The following DCUN1D4 variants were observed in gnomAD, a reference collection of about 807,000 sequenced individuals.
DCUN1D4 encodes defective in cullin neddylation 1 domain containing 4.
In DCUN1D4, 22 loss-of-function variants were observed where a neutral mutation model predicts 47.9. That is an observed-to-expected ratio of 0.46 (90% CI 0.33 to 0.66). DCUN1D4 has a LOEUF of 0.66. DCUN1D4 is among the 30% of genes least tolerant of loss of function. DCUN1D4 has a pLI of 0.02. For missense variants in DCUN1D4, 301 were observed against 340.8 expected, an observed-to-expected ratio of 0.88 and a Z score of 0.92; for synonymous variants, 121 against 112.2, an observed-to-expected ratio of 1.08 and a Z score of -0.50.
At chr4:51,850,063 C>T (rs1723146387) in intron 1 of DCUN1D4, among the ~76,000 whole-genome samples, 1 of 152,122 alleles carries the variant, frequency 6.6e-6, no homozygotes, top group Admixed American at 6.5e-5. Context: ...GTAGTCAGTG[C>T]TTCTCCTCCT....
chr4:51,899,450 GT>G, intron 8 of DCUN1D4, 72 bp downstream of exon 8: 7 of 1,502,888 alleles, frequency 4.7e-6, no homozygotes, highest in Non-Finnish European at 6.2e-6. Flanking sequence ...TTTGAGGTTA[GT>G]TTTTACATGC....
chr4:51,861,305 G>A (rs1577882743), intron 1 of DCUN1D4, among the ~76,000 whole-genome samples: 1 of 152,088 alleles, frequency 6.6e-6, no homozygotes, highest in Non-Finnish European at 1.5e-5. Flanking sequence ...TTGGGTGTAG[G>A]AAGGGCAGTG....
intron 3 of DCUN1D4, among the ~76,000 whole-genome samples, chr4:51,871,397 T>C (rs1285682718): frequency 6.6e-6 from 1 of 152,224 alleles, no homozygotes. Flanking sequence ...AAACCAAACG[T>C]TGTACAGTGT....
At chr4:51,834,872 C>T in the DCUN1D4 span, among the ~76,000 whole-genome samples, 1 of 152,196 alleles carries the variant, frequency 6.6e-6, no homozygotes, top group African/African-American at 2.4e-5. Flanking sequence ...CTACACTCTG[C>T]TACTTAGGGA....
chr4:51,854,685 T>C (rs1398853517), intron 1 of DCUN1D4, among the ~76,000 whole-genome samples: 2 of 152,244 alleles, frequency 1.3e-5, no homozygotes, highest in East Asian at 3.8e-4. Context: ...AGTTCTGTCA[T>C]TGCAGTCTTT....
chr4:51,909,249 T>C (rs1733349435), intron 8 of DCUN1D4, among the ~76,000 whole-genome samples: 1 of 147,018 alleles, frequency 6.8e-6, no homozygotes, highest in Admixed American at 6.7e-5. Flanking sequence ...TGGGGTTTAG[T>C]GAATGATTAC....
At chr4:51,877,525 A>AT (rs1052642659) in intron 4 of DCUN1D4, 1 of 311,614 alleles carries the variant, frequency 3.2e-6, no homozygotes, top group African/African-American at 2.2e-5. Flanking sequence ...CTTACTGATT[A>AT]TTTGTTAATC....
intron 1 of DCUN1D4, among the ~76,000 whole-genome samples, chr4:51,861,137 A>G (rs1350143230): frequency 6.6e-6 from 1 of 152,136 alleles, no homozygotes; most frequent in Non-Finnish European, 1.5e-5. Context: ...TATGAAGGAG[A>G]ATTTTTTATC....
At chr4:51,895,744 G>T (rs527415928) in intron 7 of DCUN1D4, among the ~76,000 whole-genome samples, 1 of 152,216 alleles carries the variant, frequency 6.6e-6, no homozygotes, top group East Asian at 1.9e-4. Flanking sequence ...TTACAAATCT[G>T]TTAGAGCAGC....
chr4:51,895,509 A>C (rs1439436010), intron 7 of DCUN1D4, among the ~76,000 whole-genome samples: 1 of 149,720 alleles, frequency 6.7e-6, no homozygotes, highest in African/African-American at 2.5e-5. Flanking sequence ...CAGAGAAGAC[A>C]CAGCTCCTGT....
intron 8 of DCUN1D4, chr4:51,905,380 G>A (rs1208879809): frequency 3.8e-6 from 1 of 262,162 alleles, no homozygotes; most frequent in Non-Finnish European, 8.2e-6. Flanking sequence ...TCCCGCTGTG[G>A]AATCTTGCTA....
chr4:51,882,726 C>T (rs762879244), intron 5 of DCUN1D4, among the ~76,000 whole-genome samples: 3 of 152,096 alleles, frequency 2.0e-5, no homozygotes, highest in Non-Finnish European at 4.4e-5. Flanking sequence ...GAGATTGCAC[C>T]ACTGCACTCC....
the DCUN1D4 span, among the ~76,000 whole-genome samples, chr4:51,837,611 C>T: frequency 7.7e-6 from 1 of 129,378 alleles, no homozygotes. Context: ...GCGGAGATCG[C>T]GCCACAGCAC....
chr4:51,846,546 T>A (rs1446700866), intron 1 of DCUN1D4, among the ~76,000 whole-genome samples: 1 of 152,234 alleles, frequency 6.6e-6, no homozygotes, highest in East Asian at 1.9e-4. Flanking sequence ...CTGGCTACGT[T>A]TACATTATTA....
chr4:51,847,105 T>G (rs1057242574), intron 1 of DCUN1D4, among the ~76,000 whole-genome samples: 1 of 152,192 alleles, frequency 6.6e-6, no homozygotes, highest in Non-Finnish European at 1.5e-5. Context: ...TTGTAAGATA[T>G]GGCCTTTCGT....
the DCUN1D4 span, among the ~76,000 whole-genome samples, chr4:51,836,427 C>T: frequency 2.0e-5 from 3 of 152,148 alleles, no homozygotes; most frequent in African/African-American, 7.2e-5. Context: ...GTGTGCGTGC[C>T]TGCAGATGAA....
chr4:51,834,103 C>CTTTT, the DCUN1D4 span, among the ~76,000 whole-genome samples: 1 of 42,574 alleles, frequency 2.3e-5, no homozygotes, highest in African/African-American at 1.5e-4. Flanking sequence ...TTTCTTCTTT[C>CTTTT]TTTTTTTTTT....
chr4:51,843,956 G>C (rs1021585206), intron 1 of DCUN1D4, among the ~76,000 whole-genome samples: 1 of 150,678 alleles, frequency 6.6e-6, no homozygotes, highest in Non-Finnish European at 1.5e-5. Context: ...CCTGCGGGGC[G>C]GGAGGGGCGT....
chr4:51,881,660 T>TAAAAAAAAAAAA (rs534474397), intron 5 of DCUN1D4, among the ~76,000 whole-genome samples: 1 of 109,980 alleles, frequency 9.1e-6, no homozygotes, highest in Non-Finnish European at 1.9e-5. Context: ...AGATACAAGT[T>TAAAAAAAAAAAA]AAAAAAAAAA....
Sources: gnomAD v4.1 joint callset for allele counts (sites outside exome capture counted in the v4.1 genomes callset) on GRCh38, gnomAD v4.1.1 for gene constraint, MANE v1.5 for transcripts, NCBI Gene and HGNC (gene_info 2026-07-23, HGNC 2026-07-21) for gene names.